API5: variants seen among roughly 807,000 people sequenced by gnomAD.
API5 encodes FIF.
A neutral mutation model predicts 71.9 loss-of-function variants in API5; 6 were observed. That is an observed-to-expected ratio of 0.08 (90% CI 0.05 to 0.16). API5 has a LOEUF of 0.16. API5 is among the 10% of genes least tolerant of loss of function. API5 has a pLI of 1.00. For missense variants in API5, 332 were observed against 612.8 expected (o/e 0.54, Z 4.84); for synonymous variants, 189 against 221.3 (o/e 0.85, Z 1.30).
chr11:43,336,505 C>G (rs546142754), intron 13 of API5, among the ~76,000 whole-genome samples: 2 of 152,312 alleles, frequency 1.3e-5, no homozygotes, highest in East Asian at 3.9e-4. Flanking sequence ...CTATTGCAGT[C>G]TCTCCCTCTG....
Position 43,332,707 on chromosome 11 carries a change from G to C in API5, c.1278+2143G>C, listed in dbSNP as rs529928963. Among the ~76,000 whole-genome samples, 7 of 152,218 alleles carry C rather than the reference G, an allele frequency of 4.6e-5. No individual in the cohort carries two copies. In the East Asian group the frequency reaches 5.8e-4, roughly 13 times the overall value. On this transcript the variant is annotated intron_variant, in intron 11 of 13. Transcript: ENST00000531273. ...TCACTCTCATATACACACACACACA[G>C]AGTCCTTTTCAGTTTTTATGGAGGC... is the stretch of plus-strand genomic sequence containing the variant.
chr11:43,337,507 C>T (rs1311844257), intron 13 of API5, among the ~76,000 whole-genome samples: 1 of 152,182 alleles, frequency 6.6e-6, no homozygotes, highest in African/African-American at 2.4e-5. Context: ...GACTCTGAGA[C>T]ACCTTTACTT....
chr11:43,321,757 G>T (rs1191552203), intron 4 of API5, among the ~76,000 whole-genome samples: 1 of 152,114 alleles, frequency 6.6e-6, no homozygotes, highest in Non-Finnish European at 1.5e-5. Context: ...TTTATTATTA[G>T]TAATGATAAA....
chr11:43,321,482 G>C lies in API5; in HGVS notation c.391+6G>C. 1 of 1,598,722 alleles carries C rather than the reference G, an allele frequency of 6.3e-7. No homozygotes were observed. Among genetic ancestry groups the C allele is most frequent in the Non-Finnish European group, 8.6e-7 (1 of 1,168,342 alleles). On this transcript the variant is annotated splice_donor_region_variant and intron_variant, in intron 4 of 13. Transcript: ENST00000531273. ...ATTTAAAATGGATGCAAAAGGTAAG[G>C]CCAGTTCTTATTCTGAATTGTGTTT...
chr11:43,330,106 C>A (rs1590262998), intron 10 of API5, 48 bp downstream of exon 10: 3 of 1,435,168 alleles, frequency 2.1e-6, no homozygotes, highest in Non-Finnish European at 2.9e-6. Context: ...CCATACCAAA[C>A]TATATAGACT....
At chr11:43,321,515 T>TA in intron 4 of API5, 39 bp downstream of exon 4, 3 of 1,480,242 alleles carry the variant, frequency 2.0e-6, no homozygotes, top group Non-Finnish European at 2.8e-6. Flanking sequence ...TTTGATGTCT[T>TA]ACAGAATCAC....
At chr11:43,317,227 A>C (rs573110869) in intron 1 of API5, among the ~76,000 whole-genome samples, 1 of 152,290 alleles carries the variant, frequency 6.6e-6, no homozygotes, top group Admixed American at 6.5e-5. Context: ...TGTCCAAACA[A>C]TATATATGTG....
At position 43,344,393 on chromosome 11, in the gene API5, A is replaced by G. The variant is rs1855716718; in HGVS notation, c.*1883A>G. On this transcript the variant is annotated 3_prime_UTR_variant, in exon 14 of 14. Coordinates refer to ENST00000531273, the MANE Select transcript of API5 (RefSeq NM_001142930.2). ...TTCCTAAGGCAATAGTGCACAACTT[A>G]GGTTATTTTTGCTTCCGAATTTGAA... 6.6e-6 allele frequency: 1 copy of G among 152,622 alleles called. No individual in the cohort carries two copies. The highest frequency in any genetic ancestry group is 2.4e-5 in the African/African-American group (1 of 41,446). The allele number at this position is 152,622 out of a possible 1,614,324, so 9.5% of individuals were successfully genotyped here.
At chr11:43,321,160 T>C (rs1370413246) in intron 3 of API5, among the ~76,000 whole-genome samples, 2 of 152,216 alleles carry the variant, frequency 1.3e-5, no homozygotes, top group Non-Finnish European at 2.9e-5. Flanking sequence ...CATTTTGATA[T>C]ATCATAATTT....
At chr11:43,326,479 C>A in intron 6 of API5, 28 bp from the exon 7 acceptor site, 1 of 1,369,240 alleles carries the variant, frequency 7.3e-7, no homozygotes, top group Non-Finnish European at 1.0e-6. Flanking sequence ...TGTTTTTCGA[C>A]AATGCATTTT....
chr11:43,330,564 G>T lies in API5; in HGVS notation c.1278G>T (p.Lys426Asn). The change falls in exon 11 of 14, where the codon AAG becomes AAT. Residue 426 changes from lysine to asparagine, a missense_variant and splice_region_variant. Coordinates refer to ENST00000531273, the MANE Select transcript of API5 (RefSeq NM_001142930.2). ...KITNNINVLI[K>N]DLFHIPPSYK... ...CAAACAATATCAATGTTTTAATCAA[G>T]GTAAGTCTGTAATACCAAGTGACAT... 6.3e-7 allele frequency: 1 copy of T among 1,582,292 alleles called. No homozygotes were observed. The highest frequency in any genetic ancestry group is 1.1e-5 in the South Asian group (1 of 89,894).
At chr11:43,328,914 C>T in intron 9 of API5, 21 bp downstream of exon 9, 1 of 1,612,558 alleles carries the variant, frequency 6.2e-7, no homozygotes, top group East Asian at 2.2e-5. Flanking sequence ...ATTGAGGTGG[C>T]TCAATCCTTG....
chr11:43,317,056 T>C (rs1000619374), intron 1 of API5, among the ~76,000 whole-genome samples: 9 of 152,306 alleles, frequency 5.9e-5, no homozygotes, highest in African/African-American at 2.2e-4. Flanking sequence ...TGTAGTTCAT[T>C]GGATATTTAT....
In API5 at chr11:43,321,644, A is replaced by C. The variant is rs886606642; in HGVS notation, c.391+168A>C. On this transcript the variant is annotated intron_variant, in intron 4 of 13. Coordinates refer to ENST00000531273, the MANE Select transcript of API5 (RefSeq NM_001142930.2). The stretch of plus-strand genomic sequence containing the variant: ...GGTCAAGATGTTTATGACTAGAAAA[A>C]CGAGCAGAAATAACTGCAAAAACAG... Among the ~76,000 whole-genome samples the C allele has an allele frequency of 2.6e-5, 4 of 152,310 alleles. 1 individual carries two copies. The South Asian group carries it at 8.3e-4, about 32-fold the overall frequency.
At position 43,342,695 on chromosome 11, in the gene API5, C is replaced by A. The variant is rs1855663304; in HGVS notation, c.*185C>A. ...ACCATGGTTGTGTCCAAGGTAAAAC[C>A]ACAGTGATATTTTTGGATGCTTTGT... On this transcript the variant is annotated 3_prime_UTR_variant, in exon 14 of 14. Coordinates refer to ENST00000531273, the MANE Select transcript of API5 (RefSeq NM_001142930.2). 4.3e-6 allele frequency: 3 copies of A among 702,978 alleles called. No homozygotes were observed. The highest frequency in any genetic ancestry group is 7.7e-6 in the Non-Finnish European group (3 of 389,678). The allele number at this position is 702,978 out of a possible 1,614,324, so 43.5% of individuals were successfully genotyped here.
At position 43,344,307 on chromosome 11, in the gene API5, T is replaced by C. The variant is rs1390213023; in HGVS notation, c.*1797T>C. ...ACTCAGAACTGAGCAGAAGTGACTT[T>C]ACTTTCTCAAGTTTGATACTGAGTT... On this transcript the variant is annotated 3_prime_UTR_variant, in exon 14 of 14. Transcript: ENST00000531273. The C allele has an allele frequency of 1.3e-5, 2 of 152,282 alleles. No individual in the cohort carries two copies. Among genetic ancestry groups the C allele is most frequent in the Non-Finnish European group, 2.9e-5 (2 of 68,044 alleles). The allele number at this position is 152,282 out of a possible 1,614,324, so 9.4% of individuals were successfully genotyped here. A position where few individuals can be genotyped will look rare whatever the true frequency, so the allele number is the denominator to read the frequency against.
chr11:43,326,253 G>A (rs1281974929), intron 6 of API5, among the ~76,000 whole-genome samples: 1 of 152,106 alleles, frequency 6.6e-6, no homozygotes, highest in Non-Finnish European at 1.5e-5. Context: ...CCTTGATGGA[G>A]CTTATGTTGA....
chr11:43,325,979 G>A (rs534158733), intron 6 of API5, among the ~76,000 whole-genome samples: 33 of 152,224 alleles, frequency 2.2e-4, no homozygotes, highest in African/African-American at 7.7e-4. Context: ...GTTCTCCACC[G>A]CCACAGTGCT....
rs768539957 is a variant in API5, at chr11:43,321,389, A to T, written c.326-22A>T. 5.7e-6 allele frequency: 9 copies of T among 1,583,444 alleles called. No individual in the cohort carries two copies. The South Asian group carries it at 9.1e-5, about 16-fold the overall frequency. On this transcript the variant is annotated intron_variant, in intron 3 of 13. Coordinates refer to ENST00000531273, the MANE Select transcript of API5 (RefSeq NM_001142930.2). Reference sequence around the variant, plus strand: ...ATTTTAAATTTGTTTTATATTCATTATGCCACTTTTTCTTTATCCAGATGA... The same window carrying T: ...ATTTTAAATTTGTTTTATATTCATTTTGCCACTTTTTCTTTATCCAGATGA...
Sources: gnomAD v4.1 joint callset for allele counts (sites outside exome capture counted in the v4.1 genomes callset) on GRCh38, gnomAD v4.1.1 for gene constraint, MANE v1.5 for transcripts, NCBI Gene and HGNC (gene_info 2026-07-23, HGNC 2026-07-21) for gene names.